Variants in ATM observed in about 807,000 individuals in gnomAD.
ATM encodes the protein serine-protein kinase ATM.
ATM carries 308 observed loss-of-function variants against 387.0 expected under a neutral mutation model. The ratio of observed to expected loss-of-function variants is 0.80; its 90% CI spans 0.73 to 0.87. The LOEUF (loss-of-function observed/expected upper bound fraction) is 0.87, where lower values mean the gene tolerates loss of function less well. Among genes scored for constraint, ATM ranks in the 40% least tolerant of loss-of-function variants. ATM has a pLI of 0.00. For missense variants in ATM, 3,312 were observed against 3,560.9 expected, an observed-to-expected ratio of 0.93 and a Z score of 1.78; for synonymous variants, 1,156 against 1,187.3, an observed-to-expected ratio of 0.97 and a Z score of 0.54.
At position 108,244,169 on chromosome 11, in the gene ATM, G is replaced by A. The variant is rs569658773; in HGVS notation, c.662+51G>A. ...TTTGTATTGAAATACTTTTGATCTTGCAAGACCATGTTTTAGACTCAGTAA... is the reference window on the plus strand; with the variant it reads ...TTTGTATTGAAATACTTTTGATCTTACAAGACCATGTTTTAGACTCAGTAA... On this transcript the variant is annotated intron_variant, in intron 6 of 62. Transcript: ENST00000675843. The A allele has an allele frequency of 1.1e-5, 18 of 1,597,952 alleles. No individual in the cohort carries two copies. In the East Asian group the frequency reaches 2.9e-4, roughly 26 times the overall value.
intron 56 of ATM, among the ~76,000 whole-genome samples, chr11:108,338,630 T>TG (rs2087121203): frequency 6.6e-6 from 1 of 151,766 alleles, no homozygotes; most frequent in Non-Finnish European, 1.5e-5. Flanking sequence ...CAGTCCAGTC[T>TG]GGACAACAGA....
At chr11:108,325,249 GTTTTTT>G in intron 45 of ATM, 55 bp from the exon 46 acceptor site, 4 of 565,794 alleles carry the variant, frequency 7.1e-6, no homozygotes, top group Non-Finnish European at 5.9e-6. Context: ...AACTTACATA[GTTTTTT>G]TTTTTTTTTT....
intron 39 of ATM, among the ~76,000 whole-genome samples, chr11:108,311,433 C>G (rs963379288): frequency 1.5e-4 from 23 of 152,242 alleles, no homozygotes; most frequent in African/African-American, 4.6e-4. Flanking sequence ...CAGTGGCTCA[C>G]GCATGTAATC....
At chr11:108,245,082 C>CT in intron 7 of ATM, 56 bp downstream of exon 7, 1 of 1,386,216 alleles carries the variant, frequency 7.2e-7, no homozygotes, top group Non-Finnish European at 1.0e-6. Flanking sequence ...ACATAGAAGT[C>CT]TAAGTATAAA....
In ATM at chr11:108,358,477, C is replaced by T. The variant is rs544258199; in HGVS notation, c.8850+3603C>T. Among the ~76,000 whole-genome samples the T allele has an allele frequency of 5.8e-4, 88 of 150,532 alleles. No individual in the cohort carries two copies. The East Asian group carries it at 0.017, about 29-fold the overall frequency. ...AAGATACTCTTTGAGAAGAGCAACT[C>T]CAAGACACATAATTGTCAGATTCAC... On this transcript the variant is annotated intron_variant, in intron 61 of 62. Coordinates refer to ENST00000675843, the MANE Select transcript of ATM (RefSeq NM_000051.4).
intron 24 of ATM, 114 bp downstream of exon 24, chr11:108,281,282 A>T: frequency 9.1e-7 from 1 of 1,097,062 alleles, no homozygotes; most frequent in Non-Finnish European, 1.4e-6. Flanking sequence ...AAACAATTTT[A>T]TTTTTTAGGT....
rs56123940 is a variant in ATM, at chr11:108,244,874, G to T, written c.749G>T (p.Arg250Leu). 6.2e-7 allele frequency: 1 copy of T among 1,613,746 alleles called. No homozygotes were observed. Among genetic ancestry groups the T allele is most frequent in the Non-Finnish European group, 8.5e-7 (1 of 1,179,896 alleles). The change falls in exon 7 of 63, where the codon CGA becomes CTA. Residue 250 changes from arginine to leucine, a missense_variant. By Grantham distance (102) the Arg-to-Leu change is moderately radical (BLOSUM62 -2). This residue lies in a region of ATM where 1,791 missense variants were observed against 1,804.5 expected (regional missense o/e 0.99). Transcript: ENST00000675843. ...LKTLAVNFRI[R>L]VCELGDEILP... ...ACTTTGGCTGTCAACTTTCGAATTC[G>T]AGTGTGTGAATTAGGAGATGAAATT...
chr11:108,252,489 T>C (rs2080207769), intron 11 of ATM, among the ~76,000 whole-genome samples: 1 of 152,176 alleles, frequency 6.6e-6, no homozygotes, highest in East Asian at 1.9e-4. Context: ...TTCCACAGAT[T>C]GGTAATTGGA....
rs1215010771 is a variant in ATM, at chr11:108,329,082, T to C, written c.7151T>C (p.Met2384Thr). The C allele has an allele frequency of 6.2e-7, 1 of 1,614,096 alleles. No individual in the cohort carries two copies. The highest frequency in any genetic ancestry group is 1.1e-5 in the South Asian group (1 of 91,082). Residue 2384 changes from methionine to threonine, a missense_variant, in exon 49 of 63, where the codon ATG (methionine) becomes ACG (threonine). Met to Thr is a moderately conservative substitution (Grantham distance 81, BLOSUM62 -1). Transcript: ENST00000675843. ...ESSDELRNGK[M>T]KAFLSLARFS... ...AGTGATGAGCTAAGAAATGGAAAAA[T>C]GAAGGCATTTCTCTCATTAGCCCGG...
At chr11:108,224,732 A>T (rs1431944375) in intron 1 of ATM, 1 of 152,202 alleles carries the variant, frequency 6.6e-6, no homozygotes, top group East Asian at 1.9e-4. Context: ...CAGTTTATCT[A>T]AAATGATTCT....
rs1555114602 is a variant in ATM at position 108,317,398 on chromosome 11, A to G, written c.6224A>G (p.His2075Arg). The change falls in exon 43 of 63, where the codon CAT (histidine) becomes CGT (arginine). Residue 2075 changes from histidine to arginine, a missense_variant. Physicochemically the swap from His to Arg is conservative, Grantham distance 29 (BLOSUM62 0). This residue lies in a region of ATM where 1,405 missense variants were observed against 1,604.4 expected (regional missense o/e 0.88). Coordinates refer to ENST00000675843, the MANE Select transcript of ATM (RefSeq NM_000051.4). ...IQALQNLGLCHILSVYLKGLD... is the reference protein window; with the variant it reads ...IQALQNLGLCRILSVYLKGLD... ...GCCTTGCAGAATTTGGGACTCTGCC[A>G]TATTCTTTCCGTCTATTTAAAAGGA... The G allele has an allele frequency of 6.2e-7, 1 of 1,612,326 alleles. No individual in the cohort carries two copies. The highest frequency in any genetic ancestry group is 8.5e-7 in the Non-Finnish European group (1 of 1,179,084).
In ATM at chr11:108,271,214, C is replaced by A. The variant is rs1052471227; in HGVS notation, c.2922-37C>A. ...AAAATAACTGATGTGTTCTGTTAAG[C>A]TTATAAAGTTGAACTTTTTTTTTTT... On this transcript the variant is annotated intron_variant, in intron 19 of 62. Coordinates refer to ENST00000675843, the MANE Select transcript of ATM (RefSeq NM_000051.4). 1.1e-4 allele frequency: 174 copies of A among 1,611,874 alleles called. No individual in the cohort carries two copies. The highest frequency in any genetic ancestry group is 1.5e-4 in the Non-Finnish European group (171 of 1,179,304).
Position 108,365,478 on chromosome 11 carries a change from A to C in ATM, c.9141A>C (p.Arg3047=). Residue 3047 remains arginine, a synonymous_variant, in exon 63 of 63, where the codon CGA becomes CGC. Transcript: ENST00000675843. ...QQAIDPKNLS[R]LFPGWKAWV Reference sequence around the variant, plus strand: ...CCATAGACCCCAAAAATCTCAGCCGACTTTTCCCAGGATGGAAAGCTTGGG... The same window carrying C: ...CCATAGACCCCAAAAATCTCAGCCGCCTTTTCCCAGGATGGAAAGCTTGGG... 6.2e-7 allele frequency: 1 copy of C among 1,614,208 alleles called. No homozygotes were observed. The highest frequency in any genetic ancestry group is 8.5e-7 in the Non-Finnish European group (1 of 1,180,032).
intron 23 of ATM, among the ~76,000 whole-genome samples, chr11:108,280,542 G>A (rs4987982): frequency 0.61 from 92,553 of 151,852 alleles, 28,477 homozygotes; most frequent in Middle Eastern, 0.76. Context: ...TGTGTGATAC[G>A]GGTATACAAT....
At chr11:108,293,241 A>T in intron 30 of ATM, 72 bp from the exon 31 acceptor site, 1 of 949,534 alleles carries the variant, frequency 1.1e-6, no homozygotes, top group Non-Finnish European at 1.6e-6. Context: ...ATCATTTATT[A>T]CAGTAAGTTT....
At chr11:108,242,719 C>T (rs755266228) in intron 5 of ATM, among the ~76,000 whole-genome samples, 13 of 152,096 alleles carry the variant, frequency 8.5e-5, no homozygotes, top group Non-Finnish European at 1.8e-4. Context: ...CTTGAGGTTT[C>T]TCTGTTATAA....
At chr11:108,253,596 A>G (rs190535161) in intron 12 of ATM, among the ~76,000 whole-genome samples, 101 of 151,748 alleles carry the variant, frequency 6.7e-4, no homozygotes, top group Non-Finnish European at 1.8e-4. Context: ...TTCTCTATCT[A>G]TTAGTAAAAT....
chr11:108,287,882 T>C (rs2135740089), intron 27 of ATM, among the ~76,000 whole-genome samples, 167 bp downstream of exon 27: 1 of 152,350 alleles, frequency 6.6e-6, no homozygotes. Context: ...CTATCCTCTT[T>C]TACCATAGTC....
chr11:108,318,272 G>A (rs905141868), intron 43 of ATM, among the ~76,000 whole-genome samples: 1 of 152,132 alleles, frequency 6.6e-6, no homozygotes, highest in African/African-American at 2.4e-5. Flanking sequence ...TGAGGCAGGA[G>A]AATTGCTAGA....
Sources: allele counts gnomAD v4.1 joint callset (sites outside exome capture counted in the v4.1 genomes callset), GRCh38; gene constraint gnomAD v4.1.1; regional missense constraint gnomAD v4.1.1; transcripts MANE v1.5; gene names NCBI Gene and HGNC (gene_info 2026-07-23, HGNC 2026-07-21).